Variants in SUCLG2 observed in about 807,000 individuals in gnomAD.
SUCLG2 encodes the protein succinate--CoA ligase [GDP-forming] subunit beta, mitochondrial.
Under a neutral mutation model 47.9 loss-of-function variants are expected in SUCLG2, and 42 were observed. That is an observed-to-expected ratio of 0.88 (90% CI 0.69 to 1.14). The LOEUF (loss-of-function observed/expected upper bound fraction) is 1.14, where lower values mean the gene tolerates loss of function less well. SUCLG2 is among the 50% of genes most tolerant of loss of function. The pLI, the probability that SUCLG2 is intolerant of heterozygous loss-of-function variation, is 0.00. For missense variants in SUCLG2, 571 were observed against 525.9 expected, an observed-to-expected ratio of 1.09 and a Z score of -0.84; for synonymous variants, 195 against 197.3, an observed-to-expected ratio of 0.99 and a Z score of 0.10.
chr3:67,623,418 G>A (rs1490039285), intron 1 of SUCLG2, among the ~76,000 whole-genome samples: 2 of 152,092 alleles, frequency 1.3e-5, no homozygotes, highest in African/African-American at 2.4e-5. Flanking sequence ...GGAGAATGGC[G>A]CGAACCCGAG....
At chr3:67,601,743 A>G (rs1212541160) in intron 2 of SUCLG2, among the ~76,000 whole-genome samples, 1 of 152,134 alleles carries the variant, frequency 6.6e-6, no homozygotes, top group Admixed American at 6.5e-5. Context: ...GCAATTTGGG[A>G]GGTCAAAGTG....
At chr3:67,581,868 C>T (rs113169701) in intron 2 of SUCLG2, among the ~76,000 whole-genome samples, 1 of 152,176 alleles carries the variant, frequency 6.6e-6, no homozygotes, top group African/African-American at 2.4e-5. Flanking sequence ...TCTAACAATA[C>T]AGTTAATCAC....
At chr3:67,368,323 T>A (rs938468611) in intron 10 of SUCLG2, among the ~76,000 whole-genome samples, 6 of 152,238 alleles carry the variant, frequency 3.9e-5, no homozygotes, top group African/African-American at 1.4e-4. Context: ...CTTGCTGATA[T>A]TTCCTGAAAT....
At chr3:67,386,001 G>C (rs1702249551) in intron 10 of SUCLG2, among the ~76,000 whole-genome samples, 1 of 152,056 alleles carries the variant, frequency 6.6e-6, no homozygotes, top group South Asian at 2.1e-4. Flanking sequence ...GGTCTCAGAG[G>C]GACCAAGAAA....
intron 10 of SUCLG2, among the ~76,000 whole-genome samples, chr3:67,384,007 T>A (rs1021993800): frequency 6.6e-6 from 1 of 152,214 alleles, no homozygotes; most frequent in Non-Finnish European, 1.5e-5. Context: ...AATTTACGGA[T>A]GATTTAAGAA....
chr3:67,642,850 T>C (rs1701124384), intron 1 of SUCLG2, among the ~76,000 whole-genome samples: 2 of 147,816 alleles, frequency 1.4e-5, no homozygotes, highest in South Asian at 4.2e-4. Context: ...AAAAGGACTC[T>C]GTGTGTGTGT....
chr3:67,611,780 G>T (rs1157641099), intron 1 of SUCLG2, among the ~76,000 whole-genome samples: 2 of 152,184 alleles, frequency 1.3e-5, no homozygotes, highest in Non-Finnish European at 2.9e-5. Context: ...AATGCAATCT[G>T]CTGGAAACTA....
intron 9 of SUCLG2, among the ~76,000 whole-genome samples, chr3:67,473,502 G>A (rs1704655754): frequency 6.6e-6 from 1 of 152,086 alleles, no homozygotes; most frequent in South Asian, 2.1e-4. Flanking sequence ...ATTAAAAGGT[G>A]TGTTTTAGAG....
At chr3:67,439,631 T>C (rs528030139) in intron 9 of SUCLG2, among the ~76,000 whole-genome samples, 7 of 152,236 alleles carry the variant, frequency 4.6e-5, no homozygotes, top group Non-Finnish European at 7.4e-5. Flanking sequence ...CCATTCACAA[T>C]TGCTACTAAG....
intron 1 of SUCLG2, among the ~76,000 whole-genome samples, chr3:67,652,200 A>G (rs1206254159): frequency 2.0e-5 from 3 of 152,230 alleles, no homozygotes; most frequent in African/African-American, 7.2e-5. Flanking sequence ...AGCATCAGGA[A>G]TATGTGTCAA....
At chr3:67,472,659 A>G (rs1704633345) in intron 9 of SUCLG2, among the ~76,000 whole-genome samples, 1 of 152,214 alleles carries the variant, frequency 6.6e-6, no homozygotes, top group Non-Finnish European at 1.5e-5. Flanking sequence ...ATTGTTCAGC[A>G]GATGACAGAA....
intron 9 of SUCLG2, among the ~76,000 whole-genome samples, chr3:67,453,302 C>A (rs1165999452): frequency 6.6e-6 from 1 of 151,746 alleles, no homozygotes; most frequent in African/African-American, 2.4e-5. Context: ...AGTTTATAAA[C>A]AACAGAAATT....
chr3:67,363,183 T>C (rs1229649337), intron 10 of SUCLG2, among the ~76,000 whole-genome samples: 2 of 152,202 alleles, frequency 1.3e-5, no homozygotes, highest in Non-Finnish European at 2.9e-5. Flanking sequence ...TGAAATAGTA[T>C]CCATTGGTAT....
intron 9 of SUCLG2, among the ~76,000 whole-genome samples, chr3:67,410,002 C>T (rs1170439785): frequency 2.0e-5 from 3 of 152,102 alleles, no homozygotes; most frequent in Non-Finnish European, 2.9e-5. Flanking sequence ...ATCTTCTGGT[C>T]AAATAATTTG....
At chr3:67,501,017 T>C (rs1324093435) in intron 7 of SUCLG2, among the ~76,000 whole-genome samples, 1 of 152,190 alleles carries the variant, frequency 6.6e-6, no homozygotes, top group Non-Finnish European at 1.5e-5. Context: ...TGACGTTCTC[T>C]CCAGGGAACA....
chr3:67,636,199 A>G (rs1257992446), intron 1 of SUCLG2, among the ~76,000 whole-genome samples: 1 of 152,146 alleles, frequency 6.6e-6, no homozygotes, highest in South Asian at 2.1e-4. Context: ...AAGACTGGCC[A>G]AAGAATAAGT....
At chr3:67,481,243 C>T (rs1326022081) in intron 9 of SUCLG2, among the ~76,000 whole-genome samples, 1 of 152,180 alleles carries the variant, frequency 6.6e-6, no homozygotes, top group Non-Finnish European at 1.5e-5. Flanking sequence ...AGTATCTGTA[C>T]TTATCACAAA....
At chr3:67,364,578 C>T (rs576607208) in intron 10 of SUCLG2, among the ~76,000 whole-genome samples, 26 of 152,300 alleles carry the variant, frequency 1.7e-4, no homozygotes, top group African/African-American at 4.8e-4. Context: ...CCCACCCACC[C>T]AGGAGTGATA....
intron 2 of SUCLG2, among the ~76,000 whole-genome samples, chr3:67,564,844 T>C (rs1397267113): frequency 1.3e-5 from 2 of 152,208 alleles, no homozygotes; most frequent in Non-Finnish European, 2.9e-5. Flanking sequence ...GGTACTGCAG[T>C]GGAAAGGTAT....
Sources: gnomAD v4.1 joint callset for allele counts (sites outside exome capture counted in the v4.1 genomes callset) on GRCh38, gnomAD v4.1.1 for gene constraint, MANE v1.5 for transcripts, NCBI Gene and HGNC (gene_info 2026-07-23, HGNC 2026-07-21) for gene names.